Variants in DTD1 observed in about 807,000 individuals in gnomAD.
DTD1 encodes D-tyrosyl-tRNA deacylase 1 homolog.
DTD1 carries 13 observed loss-of-function variants against 25.6 expected under a neutral mutation model. The ratio of observed to expected loss-of-function variants is 0.51; its 90% CI spans 0.33 to 0.81. The LOEUF is 0.81. DTD1 is among the 30% of genes least tolerant of loss of function. The probability of loss-of-function intolerance (pLI) is 0.02; values close to 1 mark genes in which losing one functional copy is unlikely to be tolerated. For missense variants in DTD1, 193 were observed against 266.4 expected (o/e 0.72, Z 1.92); for synonymous variants, 110 against 103.6 (o/e 1.06, Z -0.37).
intron 4 of DTD1, among the ~76,000 whole-genome samples, chr20:18,660,208 A>G (rs1167460178): frequency 1.3e-5 from 2 of 152,074 alleles, no homozygotes; most frequent in Admixed American, 1.3e-4. Flanking sequence ...CTCCGTCTCA[A>G]AAAAAAAGTA....
chr20:18,596,242 G>A lies in DTD1; in HGVS notation c.370+1G>A, dbSNP rs754854758. 1.2e-6 allele frequency: 2 copies of A among 1,612,508 alleles called. No individual in the cohort carries two copies. The highest frequency in any genetic ancestry group is 1.7e-6 in the Non-Finnish European group (2 of 1,178,842). ...ACATACAGGCCGGAGCTTATCAAAG[G>A]TAAGCAGGAGAGCCACATCCAGGAA... On this transcript the variant is annotated splice_donor_variant, in intron 3 of 5. Transcript: ENST00000377452. LOFTEE classifies it high-confidence loss of function.
Position 18,609,953 on chromosome 20 carries a change from G to A in DTD1, c.370+13712G>A, listed in dbSNP as rs149988860. ...AATGAGTAATTAAGTCAAATCCTCTGAGTAATTATTTTTCTTTTCTGAGAC... is the reference window on the plus strand; with the variant it reads ...AATGAGTAATTAAGTCAAATCCTCTAAGTAATTATTTTTCTTTTCTGAGAC... On this transcript the variant is annotated intron_variant, in intron 3 of 5. Coordinates refer to ENST00000377452, the MANE Select transcript of DTD1 (RefSeq NM_080820.6). Among the ~76,000 whole-genome samples the A allele has an allele frequency of 5.6e-3, 860 of 152,308 alleles. 5 individuals are homozygous for A. Among genetic ancestry groups the A allele is most frequent in the African/African-American group, 0.016 (645 of 41,562 alleles).
chr20:18,628,268 T>A (rs942435323), intron 4 of DTD1, 35 bp downstream of exon 4: 3 of 1,560,036 alleles, frequency 1.9e-6, no homozygotes, highest in Non-Finnish European at 1.8e-6. Flanking sequence ...CTCCGTCCCT[T>A]GGGTGCCTGT....
intron 3 of DTD1, among the ~76,000 whole-genome samples, chr20:18,597,101 A>G (rs955204576): frequency 2.6e-5 from 4 of 151,668 alleles, no homozygotes; most frequent in Admixed American, 1.3e-4. Context: ...TGGCTTCTCA[A>G]TAAGCTTTTT....
At chr20:18,715,480 C>T (rs972062242) in intron 4 of DTD1, among the ~76,000 whole-genome samples, 1 of 152,172 alleles carries the variant, frequency 6.6e-6, no homozygotes, top group Admixed American at 6.5e-5. Context: ...ACAGCATTCA[C>T]GGTCAGAGAA....
chr20:18,676,667 A>G (rs2060976343), intron 4 of DTD1, among the ~76,000 whole-genome samples: 1 of 152,214 alleles, frequency 6.6e-6, no homozygotes, highest in African/African-American at 2.4e-5. Context: ...GTGCACACAC[A>G]ACTGATTTAT....
intron 5 of DTD1, among the ~76,000 whole-genome samples, chr20:18,760,980 C>G (rs1000848227): frequency 6.6e-6 from 1 of 152,180 alleles, no homozygotes; most frequent in Non-Finnish European, 1.5e-5. Context: ...AATTTGATCT[C>G]AGACTGCTGT....
At chr20:18,631,474 C>T in intron 4 of DTD1, 1 of 985,482 alleles carries the variant, frequency 1.0e-6, no homozygotes, top group African/African-American at 1.7e-5. Context: ...TCACAGTCAT[C>T]CATCTTATCC....
intron 4 of DTD1, among the ~76,000 whole-genome samples, chr20:18,651,732 A>G (rs1446797666): frequency 6.6e-6 from 1 of 152,210 alleles, no homozygotes; most frequent in Admixed American, 6.5e-5. Flanking sequence ...AAAGCTCTCC[A>G]GGTGATTCTA....
At chr20:18,651,174 T>TG in intron 4 of DTD1, among the ~76,000 whole-genome samples, 1 of 152,326 alleles carries the variant, frequency 6.6e-6, no homozygotes, top group South Asian at 2.1e-4. Context: ...TGTTTTTAGA[T>TG]GGAGTCTCAC....
chr20:18,710,865 G>C (rs550310551), intron 4 of DTD1, among the ~76,000 whole-genome samples: 1 of 152,134 alleles, frequency 6.6e-6, no homozygotes, highest in Non-Finnish European at 1.5e-5. Flanking sequence ...GTTGAATCAT[G>C]GGCCCGTTTT....
intron 4 of DTD1, among the ~76,000 whole-genome samples, chr20:18,628,988 ATTTTTTT>A (rs10594706): frequency 9.8e-5 from 7 of 71,536 alleles, no homozygotes; most frequent in African/African-American, 3.5e-4. Context: ...TCAAAGCCTG[ATTTTTTT>A]TTTTTTTTTT....
chr20:18,631,606 C>T, intron 4 of DTD1: 1 of 985,354 alleles, frequency 1.0e-6, no homozygotes, highest in East Asian at 1.1e-4. Flanking sequence ...AGTGACCTCA[C>T]ATTGCTTTAT....
chr20:18,638,669 C>T (rs980374364), intron 4 of DTD1, among the ~76,000 whole-genome samples: 1 of 152,208 alleles, frequency 6.6e-6, no homozygotes, highest in Non-Finnish European at 1.5e-5. Flanking sequence ...AACAAGGCCT[C>T]ATGGGCCAAG....
chr20:18,597,199 G>A (rs866422369), intron 3 of DTD1, among the ~76,000 whole-genome samples: 1 of 103,726 alleles, frequency 9.6e-6, no homozygotes, highest in African/African-American at 3.5e-5. Flanking sequence ...GTGTGTGTGT[G>A]TATAGAGAGA....
Position 18,628,366 on chromosome 20 carries a change from C to A in DTD1, c.477+133C>A, listed in dbSNP as rs1003585581. On this transcript the variant is annotated intron_variant, in intron 4 of 5. Coordinates refer to ENST00000377452, the MANE Select transcript of DTD1 (RefSeq NM_080820.6). ...GTATTTATTTTAATACCTGCCTTCC[C>A]AAGAGTGCATGTTTACGGTGCACTC... 16 of 707,764 alleles carry A rather than the reference C, an allele frequency of 2.3e-5. No individual in the cohort carries two copies. In the East Asian group the frequency reaches 4.1e-4, roughly 18 times the overall value. The allele number at this position is 707,764 out of a possible 1,614,324, so 43.8% of individuals were successfully genotyped here. A position where few individuals can be genotyped will look rare whatever the true frequency, so the allele number is the denominator to read the frequency against.
chr20:18,744,094 A>T lies in DTD1; in HGVS notation c.478-6A>T, dbSNP rs962363137. The T allele has an allele frequency of 1.3e-6, 2 of 1,587,342 alleles. No homozygotes were observed. The highest frequency in any genetic ancestry group is 1.7e-6 in the Non-Finnish European group (2 of 1,168,522). On this transcript the variant is annotated splice_region_variant and splice_polypyrimidine_tract_variant and intron_variant, in intron 4 of 5. Transcript: ENST00000377452. ...AAAATATTCTTTTTTATTTTTATTT[A>T]ATCAGCTGTCAAAGCTCGAAAAACA...
At chr20:18,725,315 T>C (rs2061219305) in intron 4 of DTD1, among the ~76,000 whole-genome samples, 1 of 152,176 alleles carries the variant, frequency 6.6e-6, no homozygotes, top group South Asian at 2.1e-4. Context: ...GCGTGTCTGA[T>C]GGAAAGCTGC....
intron 4 of DTD1, among the ~76,000 whole-genome samples, chr20:18,726,892 C>T (rs998538365): frequency 2.2e-5 from 3 of 134,950 alleles, no homozygotes; most frequent in African/African-American, 2.6e-5. Context: ...AAAGGACTCT[C>T]CTTGGAGCTG....
Sources: allele counts gnomAD v4.1 joint callset (sites outside exome capture counted in the v4.1 genomes callset), GRCh38; gene constraint gnomAD v4.1.1; transcripts MANE v1.5; gene names NCBI Gene and HGNC (gene_info 2026-07-23, HGNC 2026-07-21).